The following LMX1A variants were observed in gnomAD, a reference collection of about 807,000 sequenced individuals.
LMX1A encodes the protein LIM homeobox transcription factor 1-alpha.
Under a neutral mutation model 49.1 loss-of-function variants are expected in LMX1A, and 15 were observed. The observed-to-expected ratio is 0.31, with a 90% CI of 0.20 to 0.47. The LOEUF (loss-of-function observed/expected upper bound fraction) is 0.47, where lower values mean the gene tolerates loss of function less well. Among genes scored for constraint, LMX1A ranks in the 20% least tolerant of loss-of-function variants. The pLI, the probability that LMX1A is intolerant of heterozygous loss-of-function variation, is 1.00. For synonymous variants in LMX1A, 167 were observed against 185.7 expected (o/e 0.90, Z 0.82); for missense variants, 372 against 475.8 (o/e 0.78, Z 2.03).
At chr1:165,314,562 T>C (rs1193120370) in intron 3 of LMX1A, among the ~76,000 whole-genome samples, 1 of 152,230 alleles carries the variant, frequency 6.6e-6, no homozygotes, top group African/African-American at 2.4e-5. Context: ...ATTTTGTTTC[T>C]TCTAGTTTTT....
At chr1:165,206,801 G>A (rs1429443093) in intron 7 of LMX1A, among the ~76,000 whole-genome samples, 4 of 152,122 alleles carry the variant, frequency 2.6e-5, no homozygotes, top group African/African-American at 9.7e-5. Context: ...CCAGCTTCCT[G>A]CTCCACCCTT....
At chr1:165,299,442 C>T (rs1654712259) in intron 3 of LMX1A, among the ~76,000 whole-genome samples, 1 of 152,118 alleles carries the variant, frequency 6.6e-6, no homozygotes, top group African/African-American at 2.4e-5. Flanking sequence ...CTGGAAAGCC[C>T]TTAATACCAT....
At chr1:165,233,345 T>G (rs1035294026) in intron 4 of LMX1A, among the ~76,000 whole-genome samples, 1 of 152,156 alleles carries the variant, frequency 6.6e-6, no homozygotes, top group Non-Finnish European at 1.5e-5. Flanking sequence ...GTCCCAGTTA[T>G]TCAGGAGTAT....
chr1:165,216,043 A>T (rs1339228842), intron 4 of LMX1A: 1 of 152,116 alleles, frequency 6.6e-6, no homozygotes, highest in African/African-American at 2.4e-5. Context: ...ACCCCCCACA[A>T]GATTAAAGAA....
chr1:165,295,249 T>A (rs1214198640), intron 3 of LMX1A, among the ~76,000 whole-genome samples: 1 of 150,860 alleles, frequency 6.6e-6, no homozygotes, highest in African/African-American at 2.4e-5. Context: ...CCCACTAAAA[T>A]ATATAGGCAG....
At chr1:165,225,034 C>T (rs750187298) in intron 4 of LMX1A, among the ~76,000 whole-genome samples, 2 of 152,068 alleles carry the variant, frequency 1.3e-5, no homozygotes, top group Non-Finnish European at 2.9e-5. Flanking sequence ...AGAAGGAGGG[C>T]GACTGAAGAA....
At chr1:165,320,578 C>T (rs915649866) in intron 3 of LMX1A, among the ~76,000 whole-genome samples, 4 of 152,136 alleles carry the variant, frequency 2.6e-5, no homozygotes, top group South Asian at 4.1e-4. Flanking sequence ...GTAGGGGGCT[C>T]CACAGAGTCA....
intron 3 of LMX1A, among the ~76,000 whole-genome samples, chr1:165,254,576 G>C (rs550526851): frequency 8.5e-5 from 13 of 152,316 alleles, no homozygotes; most frequent in African/African-American, 2.9e-4. Flanking sequence ...ATACACAGCT[G>C]TACGGCTACC....
chr1:165,321,140 C>T (rs1655374685), intron 3 of LMX1A, among the ~76,000 whole-genome samples: 1 of 152,072 alleles, frequency 6.6e-6, no homozygotes, highest in African/African-American at 2.4e-5. Context: ...AAGTCAAATA[C>T]AAAAGACCTC....
chr1:165,252,382 A>G lies in LMX1A; in HGVS notation c.264-2742T>C, dbSNP rs1557863843. On this transcript the variant is annotated intron_variant, in intron 3 of 8. Transcript: ENST00000342310. ...ATAGTTCAGGGCAACCTATGAAAAA[A>G]CTAAAATTTAAAGCAGATCCCTCTG... is the stretch of plus-strand genomic sequence containing the variant. Among the ~76,000 whole-genome samples, 4 of 152,320 alleles carry G rather than the reference A, an allele frequency of 2.6e-5. No individual in the cohort carries two copies. The South Asian group carries it at 8.3e-4, about 32-fold the overall frequency.
intron 4 of LMX1A, among the ~76,000 whole-genome samples, chr1:165,242,982 G>T (rs905688177): frequency 6.7e-6 from 1 of 150,034 alleles, no homozygotes; most frequent in East Asian, 1.9e-4. Flanking sequence ...ATTGCAGCAC[G>T]ATGTACTGGA....
chr1:165,310,125 C>A (rs1200641122), intron 3 of LMX1A, among the ~76,000 whole-genome samples: 1 of 152,196 alleles, frequency 6.6e-6, no homozygotes, highest in Non-Finnish European at 1.5e-5. Context: ...TTCTTGTCCA[C>A]CACAGTGGCT....
chr1:165,249,631 A>C lies in LMX1A; in HGVS notation c.273T>G (p.Ala91=), dbSNP rs774408051. 27 of 1,613,662 alleles carry C rather than the reference A, an allele frequency of 1.7e-5. No individual in the cohort carries two copies. Among genetic ancestry groups the C allele is most frequent in the Non-Finnish European group, 2.0e-5 (24 of 1,179,832 alleles). The part of the protein sequence containing the change: ...YCKYDYEKLF[A]VKCGGCFEAI... The stretch of plus-strand genomic sequence containing the variant: ...CCTCGAAGCAGCCCCCACATTTAAC[A>C]GCAAACAGCCTGGCAGCAGGGAGAA... Residue 91 remains alanine (A), a synonymous_variant, in exon 4 of 9, where the codon GCT becomes GCG. Transcript: ENST00000342310.
Position 165,249,625 on chromosome 1 carries a change from T to C in LMX1A, c.279A>G (p.Lys93=). The C allele has an allele frequency of 6.2e-7, 1 of 1,613,940 alleles. No homozygotes were observed. The change falls in exon 4 of 9, where the codon AAA becomes AAG. Residue 93 remains lysine (K), a synonymous_variant. Coordinates refer to ENST00000342310, the MANE Select transcript of LMX1A (RefSeq NM_177398.4). ...CGATGGCCTCGAAGCAGCCCCCACA[T>C]TTAACAGCAAACAGCCTGGCAGCAG... ...KYDYEKLFAV[K]CGGCFEAIAP... is the part of the protein sequence containing the mutation.
chr1:165,272,299 A>C (rs1015070960), intron 3 of LMX1A, among the ~76,000 whole-genome samples: 1 of 152,226 alleles, frequency 6.6e-6, no homozygotes, highest in Non-Finnish European at 1.5e-5. Context: ...ACCATATGTT[A>C]AAGTTAATTG....
intron 4 of LMX1A, chr1:165,218,917 T>G (rs1557852523): frequency 6.6e-6 from 1 of 152,150 alleles, no homozygotes; most frequent in Non-Finnish European, 1.5e-5. Context: ...CAACAACAAA[T>G]GTCAGCATCC....
chr1:165,346,272 G>C (rs940970714), intron 3 of LMX1A, among the ~76,000 whole-genome samples: 1 of 152,152 alleles, frequency 6.6e-6, no homozygotes. Context: ...GGCCCAGAGA[G>C]TCAGAAAAGC....
At chr1:165,222,669 A>C (rs891245909) in intron 4 of LMX1A, among the ~76,000 whole-genome samples, 1 of 152,232 alleles carries the variant, frequency 6.6e-6, no homozygotes, top group Admixed American at 6.5e-5. Flanking sequence ...GGTCAAATTC[A>C]CTGTGGTTTT....
At chr1:165,227,247 C>T (rs1337574772) in intron 4 of LMX1A, among the ~76,000 whole-genome samples, 1 of 152,180 alleles carries the variant, frequency 6.6e-6, no homozygotes, top group Non-Finnish European at 1.5e-5. Flanking sequence ...GTTTTTAAAA[C>T]ACAGAGCCAA....
Sources: gnomAD v4.1 joint callset for allele counts (sites outside exome capture counted in the v4.1 genomes callset) on GRCh38, gnomAD v4.1.1 for gene constraint, MANE v1.5 for transcripts, NCBI Gene and HGNC (gene_info 2026-07-23, HGNC 2026-07-21) for gene names.